The following R3HDM1 variants were observed in gnomAD, a reference collection of about 807,000 sequenced individuals.
R3HDM1 encodes the protein R3H domain-containing protein 1.
Under a neutral mutation model 141.1 loss-of-function variants are expected in R3HDM1, and 46 were observed. That is an observed-to-expected ratio of 0.33 (90% confidence interval 0.26 to 0.42). R3HDM1 has a LOEUF of 0.42. Ranked by LOEUF, R3HDM1 falls within the 10% of genes least tolerant of loss-of-function variation. The pLI, the probability that R3HDM1 is intolerant of heterozygous loss-of-function variation, is 1.00. For missense variants in R3HDM1, 1,184 were observed against 1,368.3 expected (o/e 0.87, Z 2.12); for synonymous variants, 435 against 472.9 (o/e 0.92, Z 1.04).
At chr2:135,532,252 G>A (rs766283660) in intron 1 of R3HDM1, among the ~76,000 whole-genome samples, 12 of 152,358 alleles carry the variant, frequency 7.9e-5, no homozygotes, top group African/African-American at 9.6e-5. Context: ...ATATTAAAAA[G>A]AAAGTTGAAT....
rs75889781 is a variant in R3HDM1, at chr2:135,635,592, A to G, written c.699-298A>G. Reference sequence around the variant, plus strand: ...AAGAAACCGGGAAAGAGAAAGGTTAAGTAACTTGTGCAAGTCATAAAGCAG... The same window carrying G: ...AAGAAACCGGGAAAGAGAAAGGTTAGGTAACTTGTGCAAGTCATAAAGCAG... On this transcript the variant is annotated intron_variant, in intron 9 of 26. Coordinates refer to ENST00000683871, the MANE Select transcript of R3HDM1 (RefSeq NM_001378107.1). 7.9e-3 allele frequency among the ~76,000 whole-genome samples: 1,204 copies of G among 152,338 alleles called. 15 individuals carry two copies. The highest frequency in any genetic ancestry group is 0.027 in the African/African-American group (1,122 of 41,578).
In R3HDM1 at chr2:135,616,213, G is replaced by A. The variant is rs1183833439; in HGVS notation, c.213+20G>A. 2.5e-6 allele frequency: 4 copies of A among 1,604,390 alleles called. No individual in the cohort carries two copies. The highest frequency in any genetic ancestry group is 4.5e-5 in the East Asian group (2 of 44,762). On this transcript the variant is annotated intron_variant, in intron 4 of 26. Coordinates refer to ENST00000683871, the MANE Select transcript of R3HDM1 (RefSeq NM_001378107.1). ...TCTAAGGTATAGTAAATATTTTGGT[G>A]TGCTGGCATGCCAAGGGCCTTCCTT...
rs1421534465 is a variant in R3HDM1, at chr2:135,602,655, A to C, written c.-94A>C. 6.5e-7 allele frequency: 1 copy of C among 1,545,958 alleles called. No individual in the cohort carries two copies. Among genetic ancestry groups the C allele is most frequent in the South Asian group, 1.2e-5 (1 of 83,000 alleles). On this transcript the variant is annotated 5_prime_UTR_variant, in exon 2 of 27. Transcript: ENST00000683871. ...CAACTGTGAAAAAGAACCTTGGATT[A>C]TTTTATTTTATTTTTGTGGGACACC...
intron 21 of R3HDM1, among the ~76,000 whole-genome samples, chr2:135,681,269 A>G (rs2070254938): frequency 6.6e-6 from 1 of 152,214 alleles, no homozygotes; most frequent in African/African-American, 2.4e-5. Context: ...TAGCAAGCCA[A>G]TCACTGTGAC....
At chr2:135,712,096 G>T (rs1382515952) in intron 23 of R3HDM1, among the ~76,000 whole-genome samples, 2 of 151,714 alleles carry the variant, frequency 1.3e-5, no homozygotes, top group African/African-American at 4.8e-5. Flanking sequence ...GATCACAGTT[G>T]AACCTGGATG....
chr2:135,584,619 G>A (rs766797164), intron 1 of R3HDM1, among the ~76,000 whole-genome samples: 5 of 152,090 alleles, frequency 3.3e-5, no homozygotes, highest in Admixed American at 6.6e-5. Context: ...TATTAACAGC[G>A]AAGTTACTTC....
At chr2:135,604,172 G>T (rs2059852670) in intron 2 of R3HDM1, among the ~76,000 whole-genome samples, 1 of 152,032 alleles carries the variant, frequency 6.6e-6, no homozygotes, top group South Asian at 2.1e-4. Context: ...TGTTAATCCA[G>T]ATTTACAAGT....
intron 1 of R3HDM1, among the ~76,000 whole-genome samples, chr2:135,600,795 GA>G (rs1559210027): frequency 1.3e-5 from 2 of 152,190 alleles, no homozygotes; most frequent in East Asian, 3.9e-4. Flanking sequence ...TGACTTTGAA[GA>G]AGTCATTTGA....
intron 1 of R3HDM1, among the ~76,000 whole-genome samples, chr2:135,558,856 TA>T (rs1701251664): frequency 1.3e-5 from 2 of 152,218 alleles, no homozygotes; most frequent in African/African-American, 4.8e-5. Context: ...CTAAGGTGGT[TA>T]AATGTGTTTT....
chr2:135,672,074 C>A (rs1297986102), intron 19 of R3HDM1, among the ~76,000 whole-genome samples: 4 of 151,940 alleles, frequency 2.6e-5, no homozygotes. Flanking sequence ...AGAGAATGGA[C>A]AAAATCGTAA....
chr2:135,588,896 A>G (rs1378449829), intron 1 of R3HDM1, among the ~76,000 whole-genome samples: 1 of 152,164 alleles, frequency 6.6e-6, no homozygotes, highest in Non-Finnish European at 1.5e-5. Context: ...CAGCAGATAT[A>G]TGCTAGTATT....
At chr2:135,558,014 T>G (rs1701101757) in intron 1 of R3HDM1, among the ~76,000 whole-genome samples, 1 of 152,202 alleles carries the variant, frequency 6.6e-6, no homozygotes, top group South Asian at 2.1e-4. Flanking sequence ...TTTTAAGAGA[T>G]ACAGTGGATA....
At position 135,570,470 on chromosome 2, in the gene R3HDM1, A is replaced by G. The variant is rs1176117770; in HGVS notation, c.-249-32030A>G. Among the ~76,000 whole-genome samples, 4 of 152,242 alleles carry G rather than the reference A, an allele frequency of 2.6e-5. No individual in the cohort carries two copies. The East Asian group carries it at 7.7e-4, about 29-fold the overall frequency. On this transcript the variant is annotated intron_variant, in intron 1 of 26. Coordinates refer to ENST00000683871, the MANE Select transcript of R3HDM1 (RefSeq NM_001378107.1). Reference sequence around the variant, plus strand: ...TACAGTTACCTTCAGCCTCTCAAGAATCTATTTTGTATAACTTAATTAGCA... The same window carrying G: ...TACAGTTACCTTCAGCCTCTCAAGAGTCTATTTTGTATAACTTAATTAGCA...
intron 7 of R3HDM1, among the ~76,000 whole-genome samples, chr2:135,631,193 G>A (rs763425529): frequency 5.3e-5 from 8 of 152,072 alleles, no homozygotes; most frequent in Non-Finnish European, 8.8e-5. Flanking sequence ...GGCATTGCAT[G>A]TTCTTTAGAA....
intron 3 of R3HDM1, among the ~76,000 whole-genome samples, chr2:135,611,899 T>C (rs1190780166): frequency 6.6e-6 from 1 of 152,204 alleles, no homozygotes; most frequent in Non-Finnish European, 1.5e-5. Flanking sequence ...TTGTACTTCT[T>C]TGGATAATTT....
At chr2:135,610,755 T>C (rs2060463107) in intron 3 of R3HDM1, among the ~76,000 whole-genome samples, 1 of 152,102 alleles carries the variant, frequency 6.6e-6, no homozygotes, top group African/African-American at 2.4e-5. Flanking sequence ...TGAATAAAAG[T>C]CTCTTTATAT....
intron 19 of R3HDM1, among the ~76,000 whole-genome samples, chr2:135,666,477 T>A (rs1416498252): frequency 6.6e-6 from 1 of 152,196 alleles, no homozygotes; most frequent in African/African-American, 2.4e-5. Flanking sequence ...AGACATTGTA[T>A]AATACCTACA....
chr2:135,587,068 A>G, intron 1 of R3HDM1: 1 of 798,276 alleles, frequency 1.3e-6, no homozygotes, highest in Non-Finnish European at 1.5e-6. Context: ...TAGATCTGTC[A>G]TTGCTATGAT....
chr2:135,569,580 C>T (rs930722136), intron 1 of R3HDM1, among the ~76,000 whole-genome samples: 1 of 152,134 alleles, frequency 6.6e-6, no homozygotes, highest in African/African-American at 2.4e-5. Context: ...AGATACTAGA[C>T]TCTACCGCTC....
Sources: allele counts gnomAD v4.1 joint callset (sites outside exome capture counted in the v4.1 genomes callset), GRCh38; gene constraint gnomAD v4.1.1; transcripts MANE v1.5; gene names NCBI Gene and HGNC (gene_info 2026-07-23, HGNC 2026-07-21).